SLC24A2: variants seen among roughly 807,000 people sequenced by gnomAD.
The protein encoded by SLC24A2 is sodium/potassium/calcium exchanger 2.
SLC24A2 carries 36 observed loss-of-function variants against 62.0 expected under a neutral mutation model. That is an observed-to-expected ratio of 0.58 (90% CI 0.44 to 0.77). SLC24A2 has a LOEUF of 0.77. Among genes scored for constraint, SLC24A2 ranks in the 30% least tolerant of loss-of-function variants. The pLI, the probability that SLC24A2 is intolerant of heterozygous loss-of-function variation, is 0.00. For missense variants in SLC24A2, 846 were observed against 817.9 expected (o/e 1.03, Z -0.42); for synonymous variants, 358 against 294.0 (o/e 1.22, Z -2.23).
the SLC24A2 span, among the ~76,000 whole-genome samples, chr9:20,173,264 C>A: frequency 2.6e-5 from 4 of 152,052 alleles, no homozygotes; most frequent in African/African-American, 7.2e-5. Flanking sequence ...CCTCTGAGAA[C>A]TGGAACAAGA....
chr9:20,260,017 A>T, the SLC24A2 span, among the ~76,000 whole-genome samples: 2 of 152,308 alleles, frequency 1.3e-5, no homozygotes, highest in African/African-American at 4.8e-5. Flanking sequence ...TCAGAGGTTG[A>T]GGCTGCAGTG....
chr9:19,868,756 G>A, the SLC24A2 span, among the ~76,000 whole-genome samples: 1 of 151,940 alleles, frequency 6.6e-6, no homozygotes, highest in Non-Finnish European at 1.5e-5. Context: ...TTTTTCTGAA[G>A]TCTGTATTTT....
At position 19,709,187 on chromosome 9, in the gene SLC24A2, A is replaced by C. The variant is rs1017447104; in HGVS notation, c.930+76750T>G. 1.1e-3 allele frequency among the ~76,000 whole-genome samples: 170 copies of C among 152,142 alleles called. 1 individual carries two copies. Among genetic ancestry groups the C allele is most frequent in the Non-Finnish European group, 2.1e-3 (143 of 67,940 alleles). On this transcript the variant is annotated intron_variant, in intron 2 of 10. Transcript: ENST00000341998. The stretch of plus-strand genomic sequence containing the variant: ...CATCACTGGCCATCAGAGAAATGCA[A>C]ATCAAAACCACAATGAGATACCATC...
At chr9:20,124,057 G>T in the SLC24A2 span, among the ~76,000 whole-genome samples, 1 of 152,158 alleles carries the variant, frequency 6.6e-6, no homozygotes, top group African/African-American at 2.4e-5. Context: ...TGAATGCACT[G>T]AAATGAGTTA....
At chr9:19,902,787 C>T in the SLC24A2 span, among the ~76,000 whole-genome samples, 1 of 152,212 alleles carries the variant, frequency 6.6e-6, no homozygotes, top group African/African-American at 2.4e-5. Context: ...ATTACAATTA[C>T]ATTAGAAAGG....
At chr9:19,866,183 C>A in the SLC24A2 span, among the ~76,000 whole-genome samples, 5 of 152,036 alleles carry the variant, frequency 3.3e-5, no homozygotes, top group Non-Finnish European at 7.4e-5. Context: ...GGCTTATAGC[C>A]AAAAGACAGG....
chr9:20,143,197 C>T, the SLC24A2 span, among the ~76,000 whole-genome samples: 5 of 151,996 alleles, frequency 3.3e-5, no homozygotes, highest in African/African-American at 1.2e-4. Context: ...AAAGAGAGTG[C>T]CCAAGAAGAG....
chr9:19,576,798 G>T, intron 6 of SLC24A2, 126 bp downstream of exon 6: 2 of 737,438 alleles, frequency 2.7e-6, no homozygotes, highest in African/African-American at 2.0e-5. Context: ...CTGTTGCACA[G>T]GGAAGGGCTG....
the SLC24A2 span, among the ~76,000 whole-genome samples, chr9:20,242,441 G>C: frequency 7.9e-5 from 12 of 152,184 alleles, no homozygotes; most frequent in African/African-American, 2.9e-4. Flanking sequence ...CCAGAGCTTT[G>C]GCTCCAGTAA....
At chr9:20,174,317 A>T in the SLC24A2 span, among the ~76,000 whole-genome samples, 1 of 152,082 alleles carries the variant, frequency 6.6e-6, no homozygotes, top group Non-Finnish European at 1.5e-5. Context: ...AGAACCGAAA[A>T]GCAAAAGCAA....
chr9:20,238,141 C>T, the SLC24A2 span, among the ~76,000 whole-genome samples: 19 of 152,288 alleles, frequency 1.2e-4, no homozygotes, highest in African/African-American at 4.1e-4. Context: ...CCTGCCTATT[C>T]AGATTCAACT....
intron 10 of SLC24A2, among the ~76,000 whole-genome samples, chr9:19,516,870 T>C (rs980249150): frequency 3.9e-5 from 6 of 152,132 alleles, no homozygotes; most frequent in Admixed American, 1.3e-4. Flanking sequence ...AATGACTTAA[T>C]AGTCTAAAGG....
chr9:20,237,269 C>A, the SLC24A2 span, among the ~76,000 whole-genome samples: 1 of 152,126 alleles, frequency 6.6e-6, no homozygotes, highest in African/African-American at 2.4e-5. Context: ...TAATAATGGC[C>A]ACCATTTAGT....
At chr9:20,077,640 T>C in the SLC24A2 span, among the ~76,000 whole-genome samples, 74 of 152,240 alleles carry the variant, frequency 4.9e-4, no homozygotes, top group African/African-American at 1.7e-3. Context: ...TAGGGTCTCA[T>C]ACTAAACTTG....
At chr9:19,821,305 C>T in the SLC24A2 span, among the ~76,000 whole-genome samples, 1 of 152,114 alleles carries the variant, frequency 6.6e-6, no homozygotes, top group Non-Finnish European at 1.5e-5. Flanking sequence ...ATCTAGAATA[C>T]AGAAATAAAT....
chr9:20,238,013 TG>T, the SLC24A2 span, among the ~76,000 whole-genome samples: 2 of 152,166 alleles, frequency 1.3e-5, no homozygotes, highest in African/African-American at 4.8e-5. Context: ...CCTCCTAATT[TG>T]GAGCTCCTGA....
chr9:19,862,318 T>C, the SLC24A2 span, among the ~76,000 whole-genome samples: 18 of 152,120 alleles, frequency 1.2e-4, 2 homozygotes, highest in Admixed American at 9.2e-4. Context: ...AGAAAAGAAC[T>C]TTTACCCTAG....
At chr9:19,822,795 G>C in the SLC24A2 span, among the ~76,000 whole-genome samples, 35 of 152,132 alleles carry the variant, frequency 2.3e-4, no homozygotes, top group Admixed American at 2.3e-3. Flanking sequence ...GTGCTCACTA[G>C]TCAGAGGAAA....
intron 2 of SLC24A2, among the ~76,000 whole-genome samples, chr9:19,775,660 T>G (rs1235621082): frequency 6.6e-6 from 1 of 152,182 alleles, no homozygotes; most frequent in Non-Finnish European, 1.5e-5. Context: ...GCTAAATAAA[T>G]TAATTACTAA....
Sources: gnomAD v4.1 joint callset for allele counts (sites outside exome capture counted in the v4.1 genomes callset) on GRCh38, gnomAD v4.1.1 for gene constraint, MANE v1.5 for transcripts, NCBI Gene and HGNC (gene_info 2026-07-23, HGNC 2026-07-21) for gene names.